The following CREB5 variants were observed in gnomAD, a reference collection of about 807,000 sequenced individuals.
The protein encoded by CREB5 is cAMP responsive element binding protein 5, also known as cyclic AMP-responsive element-binding protein 5.
A neutral mutation model predicts 57.1 loss-of-function variants in CREB5; 19 were observed. The ratio of observed to expected loss-of-function variants is 0.33; its 90% CI spans 0.23 to 0.49. The LOEUF is 0.49. CREB5 is among the 20% of genes least tolerant of loss of function. The pLI is 0.99. For missense variants in CREB5, 579 were observed against 671.6 expected (o/e 0.86, Z 1.52); for synonymous variants, 238 against 238.3 (o/e 1.00, Z 0.01).
At chr7:28,452,287 A>G (rs750558898) in intron 1 of CREB5, among the ~76,000 whole-genome samples, 5 of 152,222 alleles carry the variant, frequency 3.3e-5, no homozygotes, top group Non-Finnish European at 7.3e-5. Flanking sequence ...GATTAAAAAA[A>G]CAAACCCTAT....
At chr7:28,784,491 AG>A (rs1807191939) in intron 7 of CREB5, among the ~76,000 whole-genome samples, 1 of 146,484 alleles carries the variant, frequency 6.8e-6, no homozygotes. Context: ...GCTTAGCTAT[AG>A]GATTTTTTTT....
At chr7:28,727,927 T>A (rs1803412539) in intron 7 of CREB5, among the ~76,000 whole-genome samples, 1 of 146,874 alleles carries the variant, frequency 6.8e-6, no homozygotes, top group African/African-American at 2.5e-5. Flanking sequence ...AGAGATATTG[T>A]CCCTGTTTGT....
At chr7:28,471,019 C>G (rs1280171112) in intron 1 of CREB5, among the ~76,000 whole-genome samples, 2 of 152,044 alleles carry the variant, frequency 1.3e-5, no homozygotes, top group East Asian at 3.9e-4. Context: ...TTCTCCTATC[C>G]TTGGATTGTC....
chr7:28,667,789 C>G (rs1439646201), intron 5 of CREB5, among the ~76,000 whole-genome samples: 1 of 152,120 alleles, frequency 6.6e-6, no homozygotes, highest in Non-Finnish European at 1.5e-5. Flanking sequence ...AAAACAAATA[C>G]CTGTTTAATG....
At chr7:28,306,562 T>G (rs1256048782) in intron 1 of CREB5, among the ~76,000 whole-genome samples, 1 of 132,700 alleles carries the variant, frequency 7.5e-6, no homozygotes. Context: ...TTTGTTTTTT[T>G]TTTTTTTTTT....
At chr7:28,549,931 G>T (rs1336383422) in intron 4 of CREB5, among the ~76,000 whole-genome samples, 2 of 152,122 alleles carry the variant, frequency 1.3e-5, no homozygotes, top group African/African-American at 2.4e-5. Context: ...CCACTTGGTT[G>T]GTTTCACATG....
chr7:28,409,797 C>T (rs762372805), upstream of CREB5: 26 of 446,938 alleles, frequency 5.8e-5, no homozygotes, highest in Admixed American at 9.6e-5. The surrounding 1 kb of genome is among the most constrained non-coding windows in gnomAD (Gnocchi z 4.4). Context: ...TAACGTGGAG[C>T]CGGCGCCGAG....
intron 1 of CREB5, among the ~76,000 whole-genome samples, chr7:28,419,963 C>T (rs1339804368): frequency 6.6e-6 from 1 of 152,162 alleles, no homozygotes; most frequent in Admixed American, 6.5e-5. Context: ...GTTTTGGCAC[C>T]ATGAAGCAGC....
chr7:28,694,672 G>A (rs1392061069), intron 5 of CREB5, among the ~76,000 whole-genome samples: 1 of 152,162 alleles, frequency 6.6e-6, no homozygotes, highest in Non-Finnish European at 1.5e-5. Context: ...GCCTCCTGAA[G>A]TAGCTGGAGC....
At chr7:28,563,403 A>G (rs1263384983) in intron 4 of CREB5, among the ~76,000 whole-genome samples, 1 of 152,226 alleles carries the variant, frequency 6.6e-6, no homozygotes, top group Non-Finnish European at 1.5e-5. Context: ...TGCCCCAGAC[A>G]TGATGGAGCT....
chr7:28,562,626 T>A (rs1324781997), intron 4 of CREB5, among the ~76,000 whole-genome samples: 1 of 152,232 alleles, frequency 6.6e-6, no homozygotes, highest in East Asian at 1.9e-4. Context: ...CTCTACCTAC[T>A]GTGATGTCTT....
At chr7:28,490,053 G>C (rs1383567643) in intron 2 of CREB5, among the ~76,000 whole-genome samples, 2 of 152,182 alleles carry the variant, frequency 1.3e-5, no homozygotes, top group Non-Finnish European at 2.9e-5. Context: ...GATAATTTGA[G>C]CAGTTTGCTT....
chr7:28,342,740 C>A (rs910452059), intron 1 of CREB5, among the ~76,000 whole-genome samples: 19 of 152,142 alleles, frequency 1.2e-4, no homozygotes, highest in Admixed American at 5.9e-4. Flanking sequence ...AGGAAAAAAA[C>A]CATATCCCAA....
At chr7:28,691,422 A>G (rs983750189) in intron 5 of CREB5, among the ~76,000 whole-genome samples, 9 of 108,100 alleles carry the variant, frequency 8.3e-5, no homozygotes, top group African/African-American at 3.5e-4. Context: ...TCTGTCTCCA[A>G]AAAAAAAAAA....
chr7:28,440,679 A>G (rs1266228034), intron 1 of CREB5, among the ~76,000 whole-genome samples: 2 of 152,214 alleles, frequency 1.3e-5, no homozygotes, highest in East Asian at 3.8e-4. Flanking sequence ...GATGGGGCAC[A>G]CAGAGCCATC....
chr7:28,629,827 A>G (rs1798137217), intron 5 of CREB5, among the ~76,000 whole-genome samples: 1 of 152,222 alleles, frequency 6.6e-6, no homozygotes, highest in South Asian at 2.1e-4. Flanking sequence ...TTGAGTGTCC[A>G]CCCTCAAAGA....
chr7:28,768,373 A>G (rs962582168), intron 7 of CREB5, among the ~76,000 whole-genome samples: 9 of 152,228 alleles, frequency 5.9e-5, no homozygotes, highest in Non-Finnish European at 1.3e-4. Flanking sequence ...TCTTGGGGGA[A>G]TAGTTTTCTT....
chr7:28,560,817 T>TGTGTGTGC (rs1795073344), intron 4 of CREB5, among the ~76,000 whole-genome samples: 4 of 94,742 alleles, frequency 4.2e-5, no homozygotes, highest in African/African-American at 1.5e-4. Context: ...CGCGTGTGTG[T>TGTGTGTGC]GTGTGCGCGC....
At chr7:28,414,588 A>G (rs1787955445) in intron 1 of CREB5, among the ~76,000 whole-genome samples, 1 of 152,222 alleles carries the variant, frequency 6.6e-6, no homozygotes, top group African/African-American at 2.4e-5. Flanking sequence ...TGCTATTTGT[A>G]AAATAAGTAA....
Sources: gnomAD v4.1 joint callset for allele counts (sites outside exome capture counted in the v4.1 genomes callset) on GRCh38, gnomAD v4.1.1 for gene constraint, Gnocchi (gnomAD v3.1) non-coding constraint, MANE v1.5 for transcripts, NCBI Gene and HGNC (gene_info 2026-07-23, HGNC 2026-07-21) for gene names.